The following SHTN1 variants were observed in gnomAD, a reference collection of about 807,000 sequenced individuals.
SHTN1 encodes the protein shootin-1.
SHTN1 carries 42 observed loss-of-function variants against 83.1 expected under a neutral mutation model. That is an observed-to-expected ratio of 0.51 (90% CI 0.39 to 0.65). The LOEUF is 0.65. Among genes scored for constraint, SHTN1 ranks in the 30% least tolerant of loss-of-function variants. SHTN1 has a pLI of 0.00. For missense variants in SHTN1, 622 were observed against 737.8 expected (o/e 0.84, Z 1.82); for synonymous variants, 224 against 247.7 (o/e 0.90, Z 0.90).
At chr10:116,964,832 G>C (rs1326803070) in intron 3 of SHTN1, among the ~76,000 whole-genome samples, 1 of 151,940 alleles carries the variant, frequency 6.6e-6, no homozygotes, top group Non-Finnish European at 1.5e-5. Flanking sequence ...AAAATACAAA[G>C]TTAGCTGCCT....
At chr10:116,889,891 G>A (rs1161525554) in intron 16 of SHTN1, among the ~76,000 whole-genome samples, 1 of 152,140 alleles carries the variant, frequency 6.6e-6, no homozygotes, top group Non-Finnish European at 1.5e-5. Flanking sequence ...GACATCACTA[G>A]GTCCACTCTT....
At position 117,107,026 on chromosome 10, in the gene SHTN1, GAAGGTATCTTTA is replaced by G. The variant is rs1299310613; in HGVS notation, c.-189+19269_-189+19280del. Among the ~76,000 whole-genome samples the G allele has an allele frequency of 1.4e-4, 21 of 152,256 alleles. No individual in the cohort carries two copies. The East Asian group carries it at 4.0e-3, about 29-fold the overall frequency. ...TAAGTTCCCAATATATATTTGTAATGAAGGTATCTTTAAAGAGAATAGTCAAAAACCTCCACT... is the reference window on the plus strand; with the variant it reads ...TAAGTTCCCAATATATATTTGTAATGAAGAGAATAGTCAAAAACCTCCACT... On this transcript the variant is annotated intron_variant, in intron 1 of 17. Coordinates refer to the SHTN1 transcript ENST00000392901.
chr10:116,896,954 G>A (rs766385761), intron 16 of SHTN1, among the ~76,000 whole-genome samples: 5 of 152,004 alleles, frequency 3.3e-5, no homozygotes, highest in African/African-American at 1.2e-4. Flanking sequence ...TTACAGGCAT[G>A]TGCCACCACA....
At chr10:117,114,340 T>A (rs896782872) in intron 1 of SHTN1, among the ~76,000 whole-genome samples, 6 of 152,080 alleles carry the variant, frequency 3.9e-5, no homozygotes, top group African/African-American at 1.4e-4. Context: ...ATGGGTATAA[T>A]AAAATGAGCC....
At chr10:116,898,199 G>A (rs563204580) in intron 16 of SHTN1, among the ~76,000 whole-genome samples, 2 of 152,070 alleles carry the variant, frequency 1.3e-5, no homozygotes, top group Non-Finnish European at 2.9e-5. Context: ...ATGGTGGCAG[G>A]CACCTGTAAT....
chr10:116,976,206 G>A (rs1442711298), intron 2 of SHTN1, among the ~76,000 whole-genome samples: 4 of 151,904 alleles, frequency 2.6e-5, no homozygotes, highest in Non-Finnish European at 1.5e-5. Flanking sequence ...AGATGAGAGA[G>A]CATGGATGTC....
At chr10:117,013,761 G>A (rs371266984) in intron 2 of SHTN1, among the ~76,000 whole-genome samples, 8 of 152,220 alleles carry the variant, frequency 5.3e-5, no homozygotes, top group Non-Finnish European at 8.8e-5. Context: ...TTCCACTCCC[G>A]GGGCTTACCC....
chr10:117,116,507 C>CA (rs1379420395), intron 1 of SHTN1, among the ~76,000 whole-genome samples: 1 of 152,050 alleles, frequency 6.6e-6, no homozygotes, highest in Admixed American at 6.6e-5. Flanking sequence ...CAGTTCCACT[C>CA]AAACTCTTCC....
At chr10:117,044,415 T>C (rs940317515) in intron 2 of SHTN1, among the ~76,000 whole-genome samples, 2 of 152,124 alleles carry the variant, frequency 1.3e-5, no homozygotes, top group African/African-American at 2.4e-5. Flanking sequence ...CTTATAACTA[T>C]TGGAAAAAAA....
chr10:117,029,129 C>T (rs757243431), intron 2 of SHTN1, among the ~76,000 whole-genome samples: 4 of 152,154 alleles, frequency 2.6e-5, no homozygotes, highest in Non-Finnish European at 5.9e-5. Context: ...GGATGTGGGA[C>T]GTGGAGTCAA....
intron 1 of SHTN1, among the ~76,000 whole-genome samples, chr10:117,085,988 T>C (rs1853345556): frequency 6.7e-6 from 1 of 149,152 alleles, no homozygotes; most frequent in African/African-American, 2.5e-5. Flanking sequence ...TAGCGTGATC[T>C]CGGCTCACTT....
intron 1 of SHTN1, among the ~76,000 whole-genome samples, chr10:117,001,209 A>G (rs1851813720): frequency 1.3e-5 from 2 of 152,030 alleles, no homozygotes; most frequent in Admixed American, 1.3e-4. Flanking sequence ...TTACCTCAAC[A>G]TCTGCTTGAA....
chr10:116,972,489 GT>G (rs1850651670), intron 2 of SHTN1, among the ~76,000 whole-genome samples: 1 of 152,114 alleles, frequency 6.6e-6, no homozygotes, highest in South Asian at 2.1e-4. Flanking sequence ...ATCTTTTTAG[GT>G]GAACCCAGAA....
At chr10:117,030,710 G>T (rs1004667412) in intron 2 of SHTN1, among the ~76,000 whole-genome samples, 1 of 151,802 alleles carries the variant, frequency 6.6e-6, no homozygotes, top group Non-Finnish European at 1.5e-5. Context: ...AATACAATTG[G>T]CATTCTGAAG....
chr10:116,947,102 C>T (rs1184605521), intron 7 of SHTN1, among the ~76,000 whole-genome samples: 1 of 152,086 alleles, frequency 6.6e-6, no homozygotes, highest in African/African-American at 2.4e-5. Context: ...AGAATCAGAG[C>T]TTTGTACCAA....
intron 1 of SHTN1, among the ~76,000 whole-genome samples, chr10:117,117,059 C>G (rs898846378): frequency 6.6e-6 from 1 of 151,736 alleles, no homozygotes; most frequent in South Asian, 2.1e-4. Context: ...CTGGCTAGAG[C>G]AAATAGGAAA....
At chr10:117,005,538 G>C, upstream of SHTN1, 2 of 1,003,426 alleles carry the variant, frequency 2.0e-6, no homozygotes, top group South Asian at 8.7e-5. Context: ...CTTCCCGGGG[G>C]TCGCTCCCAA....
intron 1 of SHTN1, among the ~76,000 whole-genome samples, chr10:117,120,530 A>G (rs1853908008): frequency 6.6e-6 from 1 of 152,076 alleles, no homozygotes; most frequent in Non-Finnish European, 1.5e-5. Context: ...TTACAGGCGT[A>G]AGCCACAGCG....
intron 2 of SHTN1, among the ~76,000 whole-genome samples, chr10:117,019,879 AAAG>A (rs892471119): frequency 5.5e-4 from 84 of 152,192 alleles, no homozygotes; most frequent in African/African-American, 1.8e-3. Flanking sequence ...CTGAGACATA[AAAG>A]AAGACACAAG....
Sources: gnomAD v4.1 joint callset for allele counts (sites outside exome capture counted in the v4.1 genomes callset) on GRCh38, gnomAD v4.1.1 for gene constraint, MANE v1.5 for transcripts, NCBI Gene and HGNC (gene_info 2026-07-23, HGNC 2026-07-21) for gene names.